The following DLGAP2 variants were observed in gnomAD, a reference collection of about 807,000 sequenced individuals.
DLGAP2 encodes DLG associated protein 2.
A neutral mutation model predicts 100.3 loss-of-function variants in DLGAP2; 26 were observed. That is an observed-to-expected ratio of 0.26 (90% CI 0.19 to 0.36). The LOEUF (loss-of-function observed/expected upper bound fraction) is 0.36. DLGAP2 is among the 10% of genes least tolerant of loss of function. The pLI is 1.00. For synonymous variants in DLGAP2, 886 were observed against 630.1 expected, an observed-to-expected ratio of 1.41 and a Z score of -6.08; for missense variants, 1,858 against 1,453.2, an observed-to-expected ratio of 1.28 and a Z score of -4.53.
intron 2 of DLGAP2, among the ~76,000 whole-genome samples, chr8:1,176,700 G>C (rs552467951): frequency 9.9e-5 from 15 of 152,270 alleles, no homozygotes; most frequent in East Asian, 7.7e-4. Flanking sequence ...CCAGGGCTCC[G>C]TCTGCCATGC....
intron 2 of DLGAP2, among the ~76,000 whole-genome samples, chr8:1,193,716 G>A (rs1357650170): frequency 6.6e-6 from 1 of 152,088 alleles, no homozygotes. Flanking sequence ...CTCTGCACCT[G>A]AGACTCCCGG....
At chr8:1,129,819 C>A (rs969861822) in intron 2 of DLGAP2, among the ~76,000 whole-genome samples, 1 of 152,302 alleles carries the variant, frequency 6.6e-6, no homozygotes, top group East Asian at 1.9e-4. Context: ...GGATTCATGT[C>A]TGGGAGCGCT....
chr8:1,699,449 CA>C (rs35226030), intron 14 of DLGAP2, among the ~76,000 whole-genome samples: 2,436 of 128,376 alleles, frequency 0.019, 48 homozygotes, highest in African/African-American at 0.053. Context: ...ATTAAAAATA[CA>C]AAAAAAAAAA....
intron 2 of DLGAP2, among the ~76,000 whole-genome samples, chr8:960,942 A>G (rs950952692): frequency 1.3e-5 from 2 of 152,238 alleles, no homozygotes; most frequent in African/African-American, 2.4e-5. Flanking sequence ...TCTGTATGCC[A>G]TTTATACAGT....
intron 3 of DLGAP2, among the ~76,000 whole-genome samples, chr8:1,264,056 T>A (rs1315292884): frequency 6.6e-6 from 1 of 152,140 alleles, no homozygotes; most frequent in Non-Finnish European, 1.5e-5. Flanking sequence ...CCTCTCTTAG[T>A]CTAGATGGAA....
At chr8:1,136,335 G>T (rs528458687) in intron 2 of DLGAP2, among the ~76,000 whole-genome samples, 3 of 152,254 alleles carry the variant, frequency 2.0e-5, no homozygotes, top group Admixed American at 2.0e-4. Context: ...CCATGAAGTG[G>T]GCTTGTAACT....
At chr8:1,273,417 G>T (rs1329033774) in intron 3 of DLGAP2, among the ~76,000 whole-genome samples, 24 of 152,220 alleles carry the variant, frequency 1.6e-4, no homozygotes, top group African/African-American at 5.8e-4. Context: ...GGCTTATGGA[G>T]TGGAGACCCA....
At chr8:1,034,019 G>A (rs1802057992) in intron 2 of DLGAP2, among the ~76,000 whole-genome samples, 1 of 130,718 alleles carries the variant, frequency 7.7e-6, no homozygotes, top group Non-Finnish European at 1.6e-5. Context: ...GTGTCACCGC[G>A]AGTGGATTCA....
At chr8:1,171,129 T>G (rs1226826558) in intron 2 of DLGAP2, among the ~76,000 whole-genome samples, 1 of 152,252 alleles carries the variant, frequency 6.6e-6, no homozygotes, top group East Asian at 1.9e-4. Context: ...CTGCCTTCAT[T>G]TCGTTATGTA....
rs114520559 is a variant in DLGAP2 at position 1,498,367 on chromosome 8, C to T, written c.107-2999C>T. 4.1e-4 allele frequency among the ~76,000 whole-genome samples: 49 copies of T among 118,336 alleles called. 1 individual carries two copies. The East Asian group carries it at 9.6e-3, about 23-fold the overall frequency. 77.6% of individuals were successfully genotyped at this position (118,336 alleles called of 152,430 possible). A position where few individuals can be genotyped will look rare whatever the true frequency, so the allele number is the denominator to read the frequency against. ...GATTTTCCTGCACTATTTCAAGATA[C>T]GGCAAAATAAATAAAAAAAAAAAAA... On this transcript the variant is annotated intron_variant, in intron 3 of 14. Coordinates refer to ENST00000637795, the MANE Select transcript of DLGAP2 (RefSeq NM_001346810.2).
At chr8:1,389,838 C>G (rs1796307934) in intron 3 of DLGAP2, among the ~76,000 whole-genome samples, 1 of 151,970 alleles carries the variant, frequency 6.6e-6, no homozygotes, top group Non-Finnish European at 1.5e-5. Context: ...CAGATCTGCC[C>G]CAGACCCAGA....
At chr8:1,440,331 G>A (rs943000263) in intron 3 of DLGAP2, among the ~76,000 whole-genome samples, 10 of 152,182 alleles carry the variant, frequency 6.6e-5, no homozygotes, top group Admixed American at 2.0e-4. Flanking sequence ...ACTCACGTGG[G>A]AAATGGAGTC....
chr8:1,433,738 C>CTTTTTTTTTTT (rs3052055), intron 3 of DLGAP2, among the ~76,000 whole-genome samples: 2 of 124,218 alleles, frequency 1.6e-5, no homozygotes, highest in Non-Finnish European at 3.2e-5. Flanking sequence ...GCAAAACTGG[C>CTTTTTTTTTTT]TTTTTTTTTT....
At position 1,511,663 on chromosome 8, in the gene DLGAP2, G is replaced by T. The variant is rs190574361; in HGVS notation, c.172+10232G>T. 5.5e-3 allele frequency among the ~76,000 whole-genome samples: 829 copies of T among 149,570 alleles called. 14 individuals are homozygous for T. The highest frequency in any genetic ancestry group is 0.042 in the Admixed American group (624 of 14,986). On this transcript the variant is annotated intron_variant, in intron 4 of 14. Transcript: ENST00000637795. ...GATGACCATCTTCCATGGACGTAAG[G>T]GCTGTCTAGTGTAGGACAATCAATA...
chr8:1,360,196 CTCAGGGGCGGGGCTTT>C (rs1801948096), intron 3 of DLGAP2, among the ~76,000 whole-genome samples: 1 of 139,044 alleles, frequency 7.2e-6, no homozygotes, highest in African/African-American at 2.7e-5. Flanking sequence ...CCCGGGTGTG[CTCAGGGGCGGGGCTTT>C]TCCGGGGCGG....
chr8:1,154,774 T>C (rs9693573), intron 2 of DLGAP2, among the ~76,000 whole-genome samples: 1 of 152,030 alleles, frequency 6.6e-6, no homozygotes, highest in Non-Finnish European at 1.5e-5. Flanking sequence ...CCCTCTATAG[T>C]CCTGCCGTCC....
intron 3 of DLGAP2, among the ~76,000 whole-genome samples, chr8:1,436,326 G>T (rs943849047): frequency 6.6e-6 from 1 of 152,182 alleles, no homozygotes. Context: ...TGATGTTCAA[G>T]GGCAGGAGGC....
chr8:1,089,028 A>C (rs187709314), intron 2 of DLGAP2, among the ~76,000 whole-genome samples: 1 of 110,458 alleles, frequency 9.1e-6, no homozygotes, highest in East Asian at 3.3e-4. Context: ...TCCACCCCTC[A>C]TCCAGCAGGC....
chr8:1,651,321 G>A (rs528603477), intron 8 of DLGAP2, among the ~76,000 whole-genome samples: 4 of 152,272 alleles, frequency 2.6e-5, no homozygotes, highest in Non-Finnish European at 2.9e-5. Flanking sequence ...CGAATGAAGC[G>A]CTGGCCCCGT....
Sources: gnomAD v4.1 joint callset for allele counts (sites outside exome capture counted in the v4.1 genomes callset) on GRCh38, gnomAD v4.1.1 for gene constraint, MANE v1.5 for transcripts, NCBI Gene and HGNC (gene_info 2026-07-23, HGNC 2026-07-21) for gene names.